Variants in BNC2 observed in about 807,000 individuals in gnomAD.
BNC2 encodes the protein zinc finger protein basonuclin-2.
BNC2 carries 20 observed loss-of-function variants against 76.3 expected under a neutral mutation model. The observed-to-expected ratio is 0.26, with a 90% confidence interval of 0.18 to 0.38. The LOEUF is 0.38. Among genes scored for constraint, BNC2 ranks in the 10% least tolerant of loss-of-function variants. The probability of loss-of-function intolerance (pLI) is 1.00; values close to 1 mark genes in which losing one functional copy is unlikely to be tolerated. For missense variants in BNC2, 1,382 were observed against 1,399.8 expected (o/e 0.99, Z 0.20); for synonymous variants, 582 against 514.8 (o/e 1.13, Z -1.77).
intron 5 of BNC2, among the ~76,000 whole-genome samples, chr9:16,512,905 G>C (rs1039297173): frequency 2.0e-5 from 3 of 151,888 alleles, no homozygotes; most frequent in Admixed American, 1.3e-4. Flanking sequence ...GGAGGCTGAG[G>C]GGGGAAGATC....
At chr9:16,457,492 C>T (rs1821478872) in intron 5 of BNC2, among the ~76,000 whole-genome samples, 1 of 152,180 alleles carries the variant, frequency 6.6e-6, no homozygotes, top group African/African-American at 2.4e-5. Flanking sequence ...AAACCAAGTG[C>T]ACGCTTCCAG....
rs533875702 is a variant in BNC2, at chr9:16,416,865, C to A, written c.*2124G>T. On this transcript the variant is annotated 3_prime_UTR_variant, in exon 7 of 7. Transcript: ENST00000380672. ...ATAAATACTGTGAGGTACAATAAAT[C>A]CTACAGGAATAATAACAACAGAAAC... The A allele has an allele frequency of 6.6e-6, 1 of 152,492 alleles. No homozygotes were observed. The highest frequency in any genetic ancestry group is 2.4e-5 in the African/African-American group (1 of 41,412). 9.4% of individuals were successfully genotyped at this position (152,492 alleles called of 1,614,324 possible).
intron 1 of BNC2, among the ~76,000 whole-genome samples, chr9:16,836,726 C>G (rs1934282): frequency 0.51 from 76,929 of 151,826 alleles, 20,224 homozygotes; most frequent in Non-Finnish European, 0.59. Context: ...CTGGGACTAA[C>G]AAATCCCATA....
At chr9:16,862,904 T>C (rs1448138464) in intron 1 of BNC2, among the ~76,000 whole-genome samples, 1 of 124,106 alleles carries the variant, frequency 8.1e-6, no homozygotes, top group Non-Finnish European at 1.6e-5. Flanking sequence ...TATATAGCTA[T>C]ATATAGATAG....
intron 4 of BNC2, among the ~76,000 whole-genome samples, chr9:16,569,274 T>C (rs756099756): frequency 1.3e-4 from 20 of 152,090 alleles, no homozygotes; most frequent in Non-Finnish European, 2.4e-4. Context: ...AATGTATAAA[T>C]ACTCTCATGG....
At chr9:16,437,640 G>C in intron 5 of BNC2, 116 bp from the exon 6 acceptor site, 1 of 1,237,178 alleles carries the variant, frequency 8.1e-7, no homozygotes, top group Non-Finnish European at 1.1e-6. Flanking sequence ...AGCAAGAGCA[G>C]AAAACAACAT....
intron 1 of BNC2, among the ~76,000 whole-genome samples, chr9:16,865,035 GA>G (rs5896712): frequency 0.81 from 106,364 of 131,028 alleles, 43,798 homozygotes; most frequent in Non-Finnish European, 0.91. Flanking sequence ...GCTTTGGACT[GA>G]AAAAAAAAAA....
At chr9:16,453,469 C>T (rs1249913471) in intron 5 of BNC2, among the ~76,000 whole-genome samples, 1 of 152,072 alleles carries the variant, frequency 6.6e-6, no homozygotes, top group East Asian at 1.9e-4. Context: ...TTTCATATAC[C>T]TATCTCTTTA....
intron 3 of BNC2, among the ~76,000 whole-genome samples, chr9:16,723,304 C>A (rs1468489556): frequency 6.6e-6 from 1 of 152,064 alleles, no homozygotes; most frequent in African/African-American, 2.4e-5. Context: ...CTGCTTTACT[C>A]AGGGCTTTGA....
chr9:16,514,428 G>A (rs1348689808), intron 5 of BNC2, among the ~76,000 whole-genome samples: 2 of 152,166 alleles, frequency 1.3e-5, no homozygotes, highest in African/African-American at 2.4e-5. Flanking sequence ...TCAGAATGAT[G>A]AGCAAAAGCC....
At chr9:16,558,271 A>G (rs1480006411) in intron 4 of BNC2, among the ~76,000 whole-genome samples, 1 of 152,220 alleles carries the variant, frequency 6.6e-6, no homozygotes, top group African/African-American at 2.4e-5. Flanking sequence ...GGACAGTGCA[A>G]TTGAATCCAG....
At chr9:16,530,841 G>A (rs1276366567) in intron 5 of BNC2, among the ~76,000 whole-genome samples, 1 of 152,110 alleles carries the variant, frequency 6.6e-6, no homozygotes, top group African/African-American at 2.4e-5. Flanking sequence ...GGAGATGCAG[G>A]GGAAGAGCAT....
At chr9:16,834,667 TCTCCTCACCCATTTGTGAA>T (rs1818661728) in intron 1 of BNC2, among the ~76,000 whole-genome samples, 1 of 152,214 alleles carries the variant, frequency 6.6e-6, no homozygotes, top group African/African-American at 2.4e-5. Flanking sequence ...ATAATACCGG[TCTCCTCACCCATTTGTGAA>T]CTCCCTACAA....
chr9:16,556,052 C>A (rs951346061), intron 4 of BNC2, among the ~76,000 whole-genome samples: 1 of 152,054 alleles, frequency 6.6e-6, no homozygotes, highest in Admixed American at 6.5e-5. Context: ...GTAATCCCAG[C>A]GCTGTGGGAG....
At chr9:16,721,454 A>C (rs1824155574) in intron 3 of BNC2, among the ~76,000 whole-genome samples, 1 of 152,082 alleles carries the variant, frequency 6.6e-6, no homozygotes, top group South Asian at 2.1e-4. Context: ...GCTTTTCTGG[A>C]AATAAAAAAT....
chr9:16,681,447 G>A (rs940942683), intron 3 of BNC2, among the ~76,000 whole-genome samples: 1 of 152,268 alleles, frequency 6.6e-6, no homozygotes, highest in Non-Finnish European at 1.5e-5. Flanking sequence ...ATATCCCATC[G>A]CTGCAGGTTT....
intron 3 of BNC2, chr9:16,705,172 C>A (rs1248392084): frequency 6.7e-6 from 1 of 148,428 alleles, no homozygotes; most frequent in Non-Finnish European, 1.5e-5. Context: ...CACACACACT[C>A]CCCTGGAGGG....
At chr9:16,845,392 C>T (rs1037016043) in intron 1 of BNC2, among the ~76,000 whole-genome samples, 10 of 152,128 alleles carry the variant, frequency 6.6e-5, no homozygotes, top group Non-Finnish European at 1.0e-4. Context: ...TCATAATATA[C>T]GCATTAGAAA....
intron 3 of BNC2, among the ~76,000 whole-genome samples, chr9:16,618,719 C>T (rs942835430): frequency 6.6e-6 from 1 of 152,164 alleles, no homozygotes; most frequent in Admixed American, 6.5e-5. Context: ...TGCACAATTA[C>T]TTAAGTTAAG....
Sources: gnomAD v4.1 joint callset for allele counts (sites outside exome capture counted in the v4.1 genomes callset) on GRCh38, gnomAD v4.1.1 for gene constraint, MANE v1.5 for transcripts, NCBI Gene and HGNC (gene_info 2026-07-23, HGNC 2026-07-21) for gene names.